The following KCNB2 variants were observed in gnomAD, a reference collection of about 807,000 sequenced individuals.
KCNB2 encodes delayed rectifier potassium channel protein.
KCNB2 carries 15 observed loss-of-function variants against 61.5 expected under a neutral mutation model. The observed-to-expected ratio is 0.24, with a 90% CI of 0.16 to 0.38. KCNB2 has a LOEUF of 0.38. KCNB2 is among the 10% of genes least tolerant of loss of function. KCNB2 has a pLI of 1.00. For missense variants in KCNB2, 828 were observed against 1,125.2 expected, an observed-to-expected ratio of 0.74 and a Z score of 3.78; for synonymous variants, 457 against 446.0, an observed-to-expected ratio of 1.02 and a Z score of -0.31.
chr8:72,864,933 A>G (rs1256302962), intron 2 of KCNB2, among the ~76,000 whole-genome samples: 1 of 152,112 alleles, frequency 6.6e-6, no homozygotes, highest in Non-Finnish European at 1.5e-5. Context: ...TTAGATACTT[A>G]TATGTTTGTC....
rs555307651 is a variant in KCNB2, at chr8:72,776,793, A to G, written c.580-159142A>G. Among the ~76,000 whole-genome samples the G allele has an allele frequency of 4.1e-4, 62 of 152,280 alleles. No homozygotes were observed. The Middle Eastern group carries it at 0.01, about 25-fold the overall frequency. On this transcript the variant is annotated intron_variant, in intron 2 of 2. Transcript: ENST00000523207. The stretch of plus-strand genomic sequence containing the variant: ...TGTAGGTTGTGGCATCTCCTTGACC[A>G]TCTCCGGAGCAAAGGTCTTTAGGGA...
chr8:72,643,596 C>T (rs995098635), intron 2 of KCNB2, among the ~76,000 whole-genome samples: 3 of 152,086 alleles, frequency 2.0e-5, no homozygotes, highest in African/African-American at 7.2e-5. Flanking sequence ...ATGCAGTGCT[C>T]ATATTTGTGG....
intron 2 of KCNB2, among the ~76,000 whole-genome samples, chr8:72,896,661 T>C (rs1341366871): frequency 6.6e-6 from 1 of 152,132 alleles, no homozygotes; most frequent in Non-Finnish European, 1.5e-5. Flanking sequence ...AATACACTAA[T>C]TTCAATGATC....
intron 2 of KCNB2, among the ~76,000 whole-genome samples, chr8:72,648,944 T>C (rs1301865026): frequency 3.3e-5 from 5 of 152,086 alleles, no homozygotes; most frequent in Admixed American, 6.6e-5. Flanking sequence ...TAATTTGATA[T>C]TGTCCTTTTA....
rs559785347 is a variant in KCNB2, at chr8:72,896,275, G to A, written c.580-39660G>A. ...AAGTTAGAGGAGGATACCATCACCT[G>A]GTTTCCTTACACTGGGAATTATTGT... is the stretch of plus-strand genomic sequence containing the variant. On this transcript the variant is annotated intron_variant, in intron 2 of 2. Transcript: ENST00000523207. 1.1e-4 allele frequency among the ~76,000 whole-genome samples: 17 copies of A among 152,170 alleles called. No individual in the cohort carries two copies. The South Asian group carries it at 3.5e-3, about 32-fold the overall frequency.
At chr8:72,714,147 AT>A (rs1330456829) in intron 2 of KCNB2, among the ~76,000 whole-genome samples, 6 of 152,238 alleles carry the variant, frequency 3.9e-5, no homozygotes, top group African/African-American at 1.4e-4. Context: ...CCTCCAAGAA[AT>A]ATGGGACTAT....
At chr8:72,553,925 C>G (rs528151669) in intron 1 of KCNB2, among the ~76,000 whole-genome samples, 1 of 152,008 alleles carries the variant, frequency 6.6e-6, no homozygotes. Context: ...TTAATAAAAC[C>G]TCAAAGAGTT....
At chr8:72,668,449 A>G (rs1585818202) in intron 2 of KCNB2, among the ~76,000 whole-genome samples, 1 of 152,162 alleles carries the variant, frequency 6.6e-6, no homozygotes, top group South Asian at 2.1e-4. Flanking sequence ...GTAGTTTCTT[A>G]GGAGCTGGTC....
chr8:72,656,868 G>T (rs1009196616), intron 2 of KCNB2, among the ~76,000 whole-genome samples: 4 of 152,024 alleles, frequency 2.6e-5, no homozygotes, highest in Non-Finnish European at 4.4e-5. Context: ...AGGACCAGCA[G>T]CTCACTTTCT....
At chr8:72,622,152 A>C (rs1159244564) in intron 2 of KCNB2, among the ~76,000 whole-genome samples, 1 of 152,206 alleles carries the variant, frequency 6.6e-6, no homozygotes, top group Admixed American at 6.5e-5. Flanking sequence ...ATCCTTATGG[A>C]ATGTACACAG....
intron 2 of KCNB2, among the ~76,000 whole-genome samples, chr8:72,609,789 A>C (rs149746160): frequency 1.3e-3 from 197 of 152,328 alleles, no homozygotes; most frequent in African/African-American, 4.4e-3. Flanking sequence ...GTGTGCACTT[A>C]TGTAAACCAT....
At chr8:72,787,909 C>G (rs1387628506) in intron 2 of KCNB2, among the ~76,000 whole-genome samples, 2 of 152,134 alleles carry the variant, frequency 1.3e-5, no homozygotes, top group Non-Finnish European at 2.9e-5. Flanking sequence ...TCCTGCATAG[C>G]AAGGTGGTTG....
At chr8:72,905,231 T>G (rs558467458) in intron 2 of KCNB2, among the ~76,000 whole-genome samples, 9 of 152,152 alleles carry the variant, frequency 5.9e-5, no homozygotes, top group Non-Finnish European at 1.2e-4. Flanking sequence ...GTGAGCCAAG[T>G]GATGAAATGT....
intron 2 of KCNB2, among the ~76,000 whole-genome samples, chr8:72,705,294 A>G (rs1807203319): frequency 6.6e-6 from 1 of 152,218 alleles, no homozygotes; most frequent in African/African-American, 2.4e-5. Flanking sequence ...TCTGTTGCAT[A>G]CAGGCTTAAT....
intron 2 of KCNB2, among the ~76,000 whole-genome samples, chr8:72,896,535 C>T (rs565753886): frequency 6.6e-6 from 1 of 152,126 alleles, no homozygotes; most frequent in South Asian, 2.1e-4. Flanking sequence ...TGAGAAACTA[C>T]TGCATTTAAA....
At chr8:72,618,884 TG>T in intron 2 of KCNB2, 1 of 290,998 alleles carries the variant, frequency 3.4e-6, no homozygotes, top group Admixed American at 3.9e-5. Context: ...GTTTTAACTC[TG>T]CCAGTTTCTC....
intron 2 of KCNB2, among the ~76,000 whole-genome samples, chr8:72,715,664 G>T (rs887286351): frequency 6.6e-6 from 1 of 152,078 alleles, no homozygotes; most frequent in Non-Finnish European, 1.5e-5. Flanking sequence ...TCAAAGCAGC[G>T]TGTAGAGGGA....
chr8:72,863,660 A>G (rs1805454938), intron 2 of KCNB2, among the ~76,000 whole-genome samples: 1 of 152,200 alleles, frequency 6.6e-6, no homozygotes, highest in African/African-American at 2.4e-5. Flanking sequence ...TGAGACAGTA[A>G]CAGAGCCCCC....
intron 2 of KCNB2, among the ~76,000 whole-genome samples, chr8:72,904,073 T>A (rs1412657709): frequency 6.6e-6 from 1 of 152,156 alleles, no homozygotes; most frequent in Non-Finnish European, 1.5e-5. Context: ...AACATTTTCC[T>A]TTCTCGTTTT....
Sources: allele counts gnomAD v4.1 joint callset (sites outside exome capture counted in the v4.1 genomes callset), GRCh38; gene constraint gnomAD v4.1.1; transcripts MANE v1.5; gene names NCBI Gene and HGNC (gene_info 2026-07-23, HGNC 2026-07-21).